The following CCDC18 variants were observed in gnomAD, a reference collection of about 807,000 sequenced individuals.
CCDC18 encodes coiled-coil domain containing 18, also known as coiled-coil domain-containing protein 18.
In CCDC18, 157 loss-of-function variants were observed where a neutral mutation model predicts 196.0. The observed-to-expected ratio is 0.80, with a 90% CI of 0.70 to 0.91. The LOEUF is 0.91. Ranked by LOEUF, CCDC18 falls within the 40% of genes least tolerant of loss-of-function variation. The pLI is 0.00. For synonymous variants in CCDC18, 482 were observed against 529.2 expected (o/e 0.91, Z 1.22); for missense variants, 1,465 against 1,611.6 (o/e 0.91, Z 1.56).
chr1:93,193,482 T>C, intron 5 of CCDC18, 134 bp from the exon 6 acceptor site: 1 of 539,058 alleles, frequency 1.9e-6, no homozygotes, highest in East Asian at 3.6e-5. Flanking sequence ...TATGCCTTTT[T>C]CTCTATCTCT....
intron 21 of CCDC18, among the ~76,000 whole-genome samples, chr1:93,243,617 TCA>T (rs1661118286): frequency 6.6e-6 from 1 of 152,202 alleles, no homozygotes; most frequent in African/African-American, 2.4e-5. Context: ...TTCTTTTCTA[TCA>T]CACTCAAGTC....
chr1:93,180,254 C>A, upstream of CCDC18: 1 of 1,598,628 alleles, frequency 6.3e-7, no homozygotes, highest in African/African-American at 1.4e-5. Flanking sequence ...CCTGCTGGGG[C>A]GATCCCGGGC....
At chr1:93,186,222 T>C (rs1474509773) in intron 3 of CCDC18, 123 bp from the exon 4 acceptor site, 5 of 849,166 alleles carry the variant, frequency 5.9e-6, no homozygotes, top group Admixed American at 5.2e-5. Context: ...TCACTAAGTA[T>C]TTTAACTCAT....
intron 23 of CCDC18, among the ~76,000 whole-genome samples, chr1:93,252,600 A>G (rs1662408732): frequency 6.6e-6 from 1 of 152,344 alleles, no homozygotes; most frequent in African/African-American, 2.4e-5. Flanking sequence ...ACACATCTCC[A>G]TCACTTCAGG....
intron 24 of CCDC18, among the ~76,000 whole-genome samples, chr1:93,255,370 TGAC>T (rs1461980454): frequency 6.6e-6 from 1 of 152,224 alleles, no homozygotes; most frequent in African/African-American, 2.4e-5. Context: ...TGAAGTTTGA[TGAC>T]TTCATATCAT....
At chr1:93,223,652 T>A (rs1657804430) in intron 16 of CCDC18, among the ~76,000 whole-genome samples, 1 of 152,232 alleles carries the variant, frequency 6.6e-6, no homozygotes, top group Non-Finnish European at 1.5e-5. Context: ...TGCTGTTAAA[T>A]GGAAAATTGA....
upstream of CCDC18, chr1:93,180,511 C>T (rs373331120): frequency 2.6e-6 from 4 of 1,537,918 alleles, no homozygotes; most frequent in Non-Finnish European, 2.6e-6. Flanking sequence ...CGCCTCTCCC[C>T]CTGACGGCCT....
At chr1:93,236,710 T>A (rs1660114426) in intron 19 of CCDC18, among the ~76,000 whole-genome samples, 1 of 152,172 alleles carries the variant, frequency 6.6e-6, no homozygotes, top group African/African-American at 2.4e-5. Context: ...GTGAATAACA[T>A]TAAAAGTTGT....
intron 26 of CCDC18, among the ~76,000 whole-genome samples, chr1:93,262,022 A>G (rs602204): frequency 0.47 from 71,941 of 152,030 alleles, 20,201 homozygotes; most frequent in African/African-American, 0.79. Context: ...GCAGGAGAGA[A>G]AGAGTGTGTA....
At chr1:93,264,965 C>G in intron 27 of CCDC18, 64 bp downstream of exon 27, 1 of 1,172,600 alleles carries the variant, frequency 8.5e-7, no homozygotes, top group Non-Finnish European at 1.3e-6. Flanking sequence ...ACTTATTTAC[C>G]TGTCTTAGTA....
At chr1:93,262,091 G>A (rs1464670793) in intron 26 of CCDC18, 1 of 152,136 alleles carries the variant, frequency 6.6e-6, no homozygotes, top group East Asian at 1.9e-4. Context: ...CATGAGAACA[G>A]CTTGGGGGAA....
chr1:93,233,787 A>G (rs113818837), intron 18 of CCDC18, among the ~76,000 whole-genome samples: 13,387 of 152,060 alleles, frequency 0.088, 671 homozygotes, highest in African/African-American at 0.13. Context: ...TAGTAGAGAC[A>G]GGGTTTCTCC....
chr1:93,272,756 G>A (rs1341593557), intron 28 of CCDC18, among the ~76,000 whole-genome samples: 3 of 152,194 alleles, frequency 2.0e-5, no homozygotes, highest in African/African-American at 7.2e-5. Context: ...GTAAAGCAGA[G>A]AAATGAGGGA....
intron 7 of CCDC18, among the ~76,000 whole-genome samples, chr1:93,205,069 A>G (rs534404919): frequency 6.6e-6 from 1 of 152,262 alleles, no homozygotes; most frequent in Non-Finnish European, 1.5e-5. Flanking sequence ...CAGGGTAACA[A>G]AGGAATTGGG....
intron 28 of CCDC18, among the ~76,000 whole-genome samples, chr1:93,276,176 A>G (rs1180793390): frequency 6.6e-6 from 1 of 152,250 alleles, no homozygotes; most frequent in Admixed American, 6.5e-5. Flanking sequence ...GGAAACCGAT[A>G]CATGAGAAGT....
intron 28 of CCDC18, among the ~76,000 whole-genome samples, chr1:93,278,223 G>A (rs1241486424): frequency 1.3e-5 from 2 of 152,014 alleles, no homozygotes; most frequent in African/African-American, 2.4e-5. Context: ...CCTGACCTCA[G>A]GTGATCCATG....
chr1:93,234,350 C>T (rs1245020237), intron 18 of CCDC18, among the ~76,000 whole-genome samples: 1 of 151,730 alleles, frequency 6.6e-6, no homozygotes, highest in Non-Finnish European at 1.5e-5. Flanking sequence ...TTAGTAGAGG[C>T]GGGGTTTCAC....
At chr1:93,247,934 C>CT (rs922937186) in intron 23 of CCDC18, among the ~76,000 whole-genome samples, 9 of 149,452 alleles carry the variant, frequency 6.0e-5, no homozygotes, top group Non-Finnish European at 5.9e-5. Context: ...AGTGGAAAGA[C>CT]TTTGAGTTTT....
intron 17 of CCDC18, among the ~76,000 whole-genome samples, chr1:93,228,992 G>A (rs1658834342): frequency 6.6e-6 from 1 of 151,730 alleles, no homozygotes; most frequent in Non-Finnish European, 1.5e-5. Context: ...GTGCAATCTC[G>A]GCTCACTACA....
Sources: gnomAD v4.1 joint callset for allele counts (sites outside exome capture counted in the v4.1 genomes callset) on GRCh38, gnomAD v4.1.1 for gene constraint, MANE v1.5 for transcripts, NCBI Gene and HGNC (gene_info 2026-07-23, HGNC 2026-07-21) for gene names.